PPM1L: variants seen among roughly 807,000 people sequenced by gnomAD.
PPM1L encodes protein phosphatase, Mg2+/Mn2+ dependent 1L.
A neutral mutation model predicts 31.4 loss-of-function variants in PPM1L; 13 were observed. That is an observed-to-expected ratio of 0.41 (90% CI 0.27 to 0.66). PPM1L has a LOEUF of 0.66. Among genes scored for constraint, PPM1L ranks in the 30% least tolerant of loss-of-function variants. The pLI is 0.29. For missense variants in PPM1L, 326 were observed against 453.7 expected, an observed-to-expected ratio of 0.72 and a Z score of 2.56; for synonymous variants, 184 against 175.4, an observed-to-expected ratio of 1.05 and a Z score of -0.39.
chr3:160,799,206 G>C (rs1456105382), intron 1 of PPM1L, among the ~76,000 whole-genome samples: 1 of 152,230 alleles, frequency 6.6e-6, no homozygotes, highest in Admixed American at 6.5e-5. Flanking sequence ...TGATAAAGCA[G>C]CGGCAGGCTG....
intron 2 of PPM1L, among the ~76,000 whole-genome samples, chr3:161,023,745 G>T (rs923136137): frequency 2.6e-5 from 4 of 152,036 alleles, no homozygotes; most frequent in Admixed American, 6.6e-5. Flanking sequence ...CTTACTTGGG[G>T]GTAGTTTCTA....
At chr3:160,963,140 A>G (rs1716018997) in intron 2 of PPM1L, among the ~76,000 whole-genome samples, 1 of 151,972 alleles carries the variant, frequency 6.6e-6, no homozygotes, top group African/African-American at 2.4e-5. Context: ...TATTCATAGC[A>G]TCTTATAGAT....
At chr3:160,908,938 A>G (rs1003534136) in intron 1 of PPM1L, among the ~76,000 whole-genome samples, 1 of 152,160 alleles carries the variant, frequency 6.6e-6, no homozygotes, top group Non-Finnish European at 1.5e-5. Context: ...TAAAAATACA[A>G]ATATGAAGGT....
chr3:160,778,785 G>A (rs968075299), intron 1 of PPM1L, among the ~76,000 whole-genome samples: 4 of 152,110 alleles, frequency 2.6e-5, no homozygotes, highest in African/African-American at 7.2e-5. Flanking sequence ...ACAGAACACA[G>A]GACAGCCCTG....
intron 1 of PPM1L, among the ~76,000 whole-genome samples, chr3:160,854,597 GACACATACACACACAC>G (rs1256659649): frequency 6.6e-6 from 1 of 151,446 alleles, no homozygotes; most frequent in African/African-American, 2.4e-5. Flanking sequence ...TCACAGTAGA[GACACATACACACACAC>G]ACACATACAC....
chr3:160,776,604 C>CT (rs72051944), intron 1 of PPM1L, among the ~76,000 whole-genome samples: 2,942 of 132,914 alleles, frequency 0.022, 60 homozygotes, highest in African/African-American at 0.061. Flanking sequence ...ACCTTGGTGC[C>CT]TTTTTTTTTT....
chr3:160,853,560 G>A (rs1711588622), intron 1 of PPM1L, among the ~76,000 whole-genome samples: 1 of 151,868 alleles, frequency 6.6e-6, no homozygotes, highest in Non-Finnish European at 1.5e-5. Flanking sequence ...AGTTGACCAT[G>A]GTCAACTATA....
At chr3:160,942,486 G>T (rs192287379) in intron 1 of PPM1L, among the ~76,000 whole-genome samples, 3 of 152,232 alleles carry the variant, frequency 2.0e-5, no homozygotes, top group Non-Finnish European at 4.4e-5. Context: ...TTGTCAGTGT[G>T]GCAATTTATG....
chr3:160,974,468 A>C (rs1716491326), intron 2 of PPM1L, among the ~76,000 whole-genome samples: 1 of 150,300 alleles, frequency 6.7e-6, no homozygotes, highest in Admixed American at 6.6e-5. Flanking sequence ...CAATGGTTGA[A>C]CTAGTTTACA....
chr3:161,004,828 A>G (rs1717646749), intron 2 of PPM1L, among the ~76,000 whole-genome samples: 3 of 151,584 alleles, frequency 2.0e-5, no homozygotes, highest in South Asian at 2.1e-4. Flanking sequence ...GGTTTTTTGT[A>G]TCTCTATTTC....
intron 1 of PPM1L, among the ~76,000 whole-genome samples, chr3:160,941,921 TA>T (rs1242993263): frequency 6.6e-6 from 1 of 152,230 alleles, no homozygotes; most frequent in African/African-American, 2.4e-5. Context: ...TTGAATGAAT[TA>T]TTAGGCTTAC....
chr3:160,811,425 G>A (rs1477243140), intron 1 of PPM1L, among the ~76,000 whole-genome samples: 1 of 152,350 alleles, frequency 6.6e-6, no homozygotes, highest in East Asian at 1.9e-4. Context: ...TTTTTGTATA[G>A]CCTCATGAGC....
rs967169442 is a variant in PPM1L at position 161,069,110 on chromosome 3, G to A, written c.1036G>A (p.Val346Ile). The A allele has an allele frequency of 3.1e-6, 5 of 1,614,168 alleles. No homozygotes were observed. The highest frequency in any genetic ancestry group is 3.4e-6 in the Non-Finnish European group (4 of 1,180,032). ...FYRGCPDNIT[V>I]MVVKFRNSSK... The stretch of plus-strand genomic sequence containing the variant: ...CAGAGGCTGCCCTGACAATATAACA[G>A]TCATGGTGGTGAAGTTCAGAAATAG... Residue 346 changes from valine (V) to isoleucine (I), a missense_variant, in exon 4 of 4, where the codon GTC (valine) becomes ATC (isoleucine). Transcript: ENST00000498165.
chr3:160,772,472 T>C (rs1212243772), intron 1 of PPM1L, among the ~76,000 whole-genome samples: 1 of 152,252 alleles, frequency 6.6e-6, no homozygotes, highest in Non-Finnish European at 1.5e-5. Context: ...GGTGGCTTTA[T>C]GATAAAGGGA....
intron 2 of PPM1L, among the ~76,000 whole-genome samples, chr3:161,005,056 A>G (rs11713987): frequency 0.34 from 51,601 of 151,268 alleles, 9,253 homozygotes; most frequent in East Asian, 0.64. Flanking sequence ...GTTCTCATTG[A>G]TTTCAAAGAA....
intron 1 of PPM1L, among the ~76,000 whole-genome samples, chr3:160,944,806 TATAACA>T (rs1196998644): frequency 7.5e-5 from 2 of 26,530 alleles, no homozygotes; most frequent in African/African-American, 2.0e-4. Flanking sequence ...ATATAACATA[TATAACA>T]TATATATGTT....
rs761519647 is a variant in PPM1L, at chr3:160,869,594, G to GT, written c.400-92135dup. On this transcript the variant is annotated intron_variant, in intron 1 of 3. Transcript: ENST00000498165. The stretch of plus-strand genomic sequence containing the variant: ...TTGTTTTTATGTTGTCAGGTCTATT[G>GT]TTTTTTTCCAAAAATTGTATGACAT... Among the ~76,000 whole-genome samples the GT allele has an allele frequency of 5.9e-5, 9 of 151,872 alleles. No individual in the cohort carries two copies. In the East Asian group the frequency reaches 1.2e-3, roughly 20 times the overall value.
At chr3:161,021,690 G>A (rs1027858707) in intron 2 of PPM1L, among the ~76,000 whole-genome samples, 7 of 152,022 alleles carry the variant, frequency 4.6e-5, no homozygotes, top group East Asian at 1.9e-4. Flanking sequence ...TTTGCCTCAC[G>A]TATTTTAGAG....
chr3:161,064,021 G>T (rs1233891125), intron 2 of PPM1L, among the ~76,000 whole-genome samples: 1 of 151,980 alleles, frequency 6.6e-6, no homozygotes, highest in African/African-American at 2.4e-5. Context: ...GTCTGTCAGG[G>T]GGTGTGGGGC....
Sources: allele counts gnomAD v4.1 joint callset (sites outside exome capture counted in the v4.1 genomes callset), GRCh38; gene constraint gnomAD v4.1.1; transcripts MANE v1.5; gene names NCBI Gene and HGNC (gene_info 2026-07-23, HGNC 2026-07-21).